Variants in UPF2 observed in about 807,000 individuals in gnomAD.
UPF2 encodes the protein UPF2 regulator of nonsense mediated mRNA decay.
Under a neutral mutation model 141.4 loss-of-function variants are expected in UPF2, and 17 were observed. The ratio of observed to expected loss-of-function variants is 0.12; its 90% CI spans 0.08 to 0.18. UPF2 has a LOEUF of 0.18. Ranked by LOEUF, UPF2 falls within the 10% of genes least tolerant of loss-of-function variation. The pLI is 1.00. For synonymous variants in UPF2, 540 were observed against 498.0 expected, an observed-to-expected ratio of 1.08 and a Z score of -1.12; for missense variants, 1,152 against 1,515.9, an observed-to-expected ratio of 0.76 and a Z score of 3.99.
At chr10:12,000,495 C>A (rs1263613085) in intron 6 of UPF2, among the ~76,000 whole-genome samples, 1 of 152,138 alleles carries the variant, frequency 6.6e-6, no homozygotes, top group Non-Finnish European at 1.5e-5. Context: ...AATAAAGAAT[C>A]TTGGCCAGGT....
chr10:12,023,583 G>A (rs544630662), intron 3 of UPF2, among the ~76,000 whole-genome samples: 14 of 151,782 alleles, frequency 9.2e-5, no homozygotes, highest in African/African-American at 2.9e-4. Flanking sequence ...CCAGTTACTC[G>A]GGAGGCTGAG....
intron 3 of UPF2, among the ~76,000 whole-genome samples, chr10:12,028,458 T>C (rs1192201663): frequency 6.6e-6 from 1 of 152,188 alleles, no homozygotes; most frequent in Non-Finnish European, 1.5e-5. Flanking sequence ...ATTTTACCCC[T>C]TGATTATTAA....
intron 8 of UPF2, among the ~76,000 whole-genome samples, chr10:11,994,010 C>T (rs1184922473): frequency 6.6e-6 from 1 of 151,924 alleles, no homozygotes; most frequent in Admixed American, 6.6e-5. Context: ...AACCAAGAGA[C>T]ATGGCTTAAA....
intron 21 of UPF2, among the ~76,000 whole-genome samples, chr10:11,922,375 A>G (rs1185945362): frequency 6.6e-6 from 1 of 152,228 alleles, no homozygotes; most frequent in Non-Finnish European, 1.5e-5. Flanking sequence ...CAAATATGGA[A>G]AAGTATATCC....
intron 21 of UPF2, 93 bp downstream of exon 21, chr10:11,929,772 C>T (rs1021953165): frequency 1.3e-6 from 2 of 1,502,944 alleles, no homozygotes; most frequent in Admixed American, 4.5e-5. Flanking sequence ...AAAAATCGGG[C>T]CTTTGCCAAA....
At chr10:11,924,434 C>T (rs1394013119) in intron 21 of UPF2, among the ~76,000 whole-genome samples, 1 of 152,102 alleles carries the variant, frequency 6.6e-6, no homozygotes, top group African/African-American at 2.4e-5. Flanking sequence ...AAAAATTAGT[C>T]AAGAGTGGTG....
intron 5 of UPF2, among the ~76,000 whole-genome samples, chr10:12,003,699 G>A (rs562635583): frequency 1.3e-5 from 2 of 152,290 alleles, no homozygotes; most frequent in African/African-American, 4.8e-5. Context: ...GCTGAGGCAG[G>A]TGGATCACTT....
chr10:12,010,718 C>A (rs1834112301), intron 4 of UPF2, among the ~76,000 whole-genome samples: 1 of 151,950 alleles, frequency 6.6e-6, no homozygotes, highest in Non-Finnish European at 1.5e-5. Flanking sequence ...ACTATACACC[C>A]ACAGATCTAA....
At position 12,017,603 on chromosome 10, in the gene UPF2, T is replaced by C. The variant is rs112415565; in HGVS notation, c.1146-3419A>G. ...CCTTACCCTCCCCTTAATTCCATGA[T>C]CAAATGCATTAACAGCACTAACTTA... is the stretch of plus-strand genomic sequence containing the variant. On this transcript the variant is annotated intron_variant, in intron 3 of 21. Transcript: ENST00000357604. Among the ~76,000 whole-genome samples the C allele has an allele frequency of 1.7e-3, 255 of 152,352 alleles. 1 individual carries two copies. The highest frequency in any genetic ancestry group is 5.7e-3 in the African/African-American group (236 of 41,576).
intron 3 of UPF2, among the ~76,000 whole-genome samples, chr10:12,015,318 C>T (rs1178684125): frequency 2.0e-5 from 3 of 152,182 alleles, no homozygotes; most frequent in African/African-American, 7.2e-5. Context: ...AAAAATAATG[C>T]CTATACTTAT....
rs766103683 is a variant in UPF2 at position 11,983,662 on chromosome 10, G to A, written c.1845-4497C>T. On this transcript the variant is annotated intron_variant, in intron 8 of 21. Coordinates refer to ENST00000357604, the MANE Select transcript of UPF2 (RefSeq NM_015542.4). ...GCTGGGATTACAGGCATGAGCCACC[G>A]TGCCCGGCCTTGGATTCTTATTTTT... is the stretch of plus-strand genomic sequence containing the variant. Among the ~76,000 whole-genome samples, 6 of 152,038 alleles carry A rather than the reference G, an allele frequency of 3.9e-5. No homozygotes were observed. In the East Asian group the frequency reaches 5.8e-4, roughly 15 times the overall value.
chr10:11,930,976 A>G lies in UPF2; in HGVS notation c.3688+665T>C, dbSNP rs528673729. Among the ~76,000 whole-genome samples, 3 of 152,320 alleles carry G rather than the reference A, an allele frequency of 2.0e-5. No individual in the cohort carries two copies. In the South Asian group the frequency reaches 6.2e-4, roughly 32 times the overall value. On this transcript the variant is annotated intron_variant, in intron 20 of 21. Transcript: ENST00000357604. ...GGAACACCAAAACGCTAGCCTATGA[A>G]GTCTCCATGGACTCGATGTGTAAGG...
Position 11,938,866 on chromosome 10 carries a change from T to TTTTTTTTTTTTTTG in UPF2, c.3379-2155_3379-2154insCAAAAAAAAAAAAA, listed in dbSNP as rs1564337857. ...AGTTTTTTTTTTGTTTTTTTTTTTT[T>TTTTTTTTTTTTTTG]TTTTTTTTTTTTTTTTGGAGACGGA... On this transcript the variant is annotated intron_variant, in intron 18 of 21. Transcript: ENST00000357604. Among the ~76,000 whole-genome samples, 47 of 88,670 alleles carry TTTTTTTTTTTTTTG rather than the reference T, an allele frequency of 5.3e-4. 2 individuals carry two copies. The highest frequency in any genetic ancestry group is 1.3e-3 in the African/African-American group (36 of 27,272). The allele number at this position is 88,670 out of a possible 152,430, so 58.2% of individuals were successfully genotyped here. A position where few individuals can be genotyped will look rare whatever the true frequency, so the allele number is the denominator to read the frequency against.
intron 8 of UPF2, among the ~76,000 whole-genome samples, chr10:11,993,473 A>C (rs781149573): frequency 6.6e-6 from 1 of 152,094 alleles, no homozygotes; most frequent in Non-Finnish European, 1.5e-5. Flanking sequence ...TGTAAACCTG[A>C]TCAATACATT....
intron 11 of UPF2, among the ~76,000 whole-genome samples, chr10:11,961,284 G>A (rs2131197100): frequency 6.6e-6 from 1 of 152,052 alleles, no homozygotes; most frequent in Admixed American, 6.6e-5. Flanking sequence ...ACAGTAGCAT[G>A]AACAATAAGT....
In UPF2 at chr10:12,035,272, T is replaced by C. The variant is rs763291677; in HGVS notation, c.152A>G (p.Lys51Arg). 6.2e-7 allele frequency: 1 copy of C among 1,614,160 alleles called. No homozygotes were observed. Among genetic ancestry groups the C allele is most frequent in the Non-Finnish European group, 8.5e-7 (1 of 1,180,032 alleles). Residue 51 changes from lysine (K) to arginine (R), a missense_variant, in exon 2 of 22, where the codon AAG becomes AGG. Coordinates refer to ENST00000357604, the MANE Select transcript of UPF2 (RefSeq NM_015542.4). ...TCTCTTCTTCTTGTCTTCAGGGGCC[T>C]TGCTGACCTCCTTCTTGGCAGTGAG... ...IKLTAKKEVS[K>R]APEDKKKRLE...
At chr10:11,948,569 A>C in intron 15 of UPF2, 61 bp from the exon 16 acceptor site, 1 of 1,541,462 alleles carries the variant, frequency 6.5e-7, no homozygotes, top group South Asian at 1.2e-5. Context: ...CTAGTTTTCT[A>C]CACTATACCA....
intron 3 of UPF2, among the ~76,000 whole-genome samples, chr10:12,023,470 C>A (rs7098417): frequency 6.9e-6 from 1 of 144,070 alleles, no homozygotes; most frequent in Non-Finnish European, 1.5e-5. Context: ...GTCAAGAGAT[C>A]GAGACCATCC....
In UPF2 at chr10:12,035,442, C is replaced by G; in HGVS notation, c.-18-1G>C. Reference sequence around the variant, plus strand: ...CTGGCATTATGTGACCCAGGACAATCTGTAAGAGGGAAAGAATGTCAGTAC... The same window carrying G: ...CTGGCATTATGTGACCCAGGACAATGTGTAAGAGGGAAAGAATGTCAGTAC... On this transcript the variant is annotated splice_acceptor_variant, in intron 1 of 21. Transcript: ENST00000357604. LOFTEE classifies it low-confidence loss of function (5UTR_SPLICE). The G allele has an allele frequency of 6.6e-7, 1 of 1,524,398 alleles. No individual in the cohort carries two copies. The highest frequency in any genetic ancestry group is 8.7e-7 in the Non-Finnish European group (1 of 1,145,610). 94.4% of individuals were successfully genotyped at this position (1,524,398 alleles called of 1,614,324 possible).
Sources: gnomAD v4.1 joint callset for allele counts (sites outside exome capture counted in the v4.1 genomes callset) on GRCh38, gnomAD v4.1.1 for gene constraint, MANE v1.5 for transcripts, NCBI Gene and HGNC (gene_info 2026-07-23, HGNC 2026-07-21) for gene names.